The following ASIC2 variants were observed in gnomAD, a reference collection of about 807,000 sequenced individuals.
The protein encoded by ASIC2 is acid-sensing ion channel 2.
A neutral mutation model predicts 57.3 loss-of-function variants in ASIC2; 25 were observed. That is an observed-to-expected ratio of 0.44 (90% CI 0.32 to 0.61). The LOEUF (loss-of-function observed/expected upper bound fraction) is 0.61. Ranked by LOEUF, ASIC2 falls within the 20% of genes least tolerant of loss-of-function variation. The pLI, the probability that ASIC2 is intolerant of heterozygous loss-of-function variation, is 0.06. For missense variants in ASIC2, 641 were observed against 738.1 expected (o/e 0.87, Z 1.52); for synonymous variants, 319 against 307.5 (o/e 1.04, Z -0.39).
chr17:33,953,964 A>G (rs531737459), intron 1 of ASIC2, among the ~76,000 whole-genome samples: 5 of 152,176 alleles, frequency 3.3e-5, no homozygotes, highest in Non-Finnish European at 7.4e-5. Context: ...TTTGGGCCAC[A>G]GAGGGTGGGG....
chr17:33,303,951 T>A (rs1338079686), intron 1 of ASIC2, among the ~76,000 whole-genome samples: 2 of 152,206 alleles, frequency 1.3e-5, no homozygotes, highest in Non-Finnish European at 2.9e-5. Context: ...TTCATACCCT[T>A]TGACCTAGTG....
chr17:34,051,004 T>C (rs1000645656), intron 1 of ASIC2, among the ~76,000 whole-genome samples: 1 of 152,220 alleles, frequency 6.6e-6, no homozygotes, highest in Admixed American at 6.5e-5. Flanking sequence ...GAATCAAACC[T>C]GCTCTCTCTG....
At chr17:33,866,770 A>G (rs546083088) in intron 1 of ASIC2, among the ~76,000 whole-genome samples, 68 of 152,304 alleles carry the variant, frequency 4.5e-4, no homozygotes, top group Non-Finnish European at 6.6e-4. Context: ...CAGAGATGCC[A>G]TAGACCTACA....
At chr17:33,085,453 T>C (rs910768068) in intron 3 of ASIC2, among the ~76,000 whole-genome samples, 2 of 152,242 alleles carry the variant, frequency 1.3e-5, no homozygotes, top group African/African-American at 4.8e-5. Flanking sequence ...CAGGATCAAC[T>C]GGATAGATTT....
chr17:33,307,308 T>C (rs1393267587), intron 1 of ASIC2, among the ~76,000 whole-genome samples: 1 of 151,594 alleles, frequency 6.6e-6, no homozygotes, highest in Non-Finnish European at 1.5e-5. Context: ...CTTCTTCTTT[T>C]TCTTCTTCGT....
intron 1 of ASIC2, among the ~76,000 whole-genome samples, chr17:33,476,527 A>G (rs865851515): frequency 3.4e-5 from 3 of 89,248 alleles, no homozygotes; most frequent in East Asian, 3.1e-4. Context: ...ATATATATAT[A>G]TATATATATG....
chr17:33,248,869 A>G (rs926193420), intron 1 of ASIC2, among the ~76,000 whole-genome samples: 7 of 152,316 alleles, frequency 4.6e-5, no homozygotes, highest in South Asian at 4.1e-4. Flanking sequence ...TCATTCCTGC[A>G]AAGAGTCTTT....
At chr17:33,777,261 C>T (rs1392594628) in intron 1 of ASIC2, among the ~76,000 whole-genome samples, 2 of 150,828 alleles carry the variant, frequency 1.3e-5, no homozygotes, top group African/African-American at 4.9e-5. Context: ...CTGCCTGAAT[C>T]GTTAAATGAA....
At chr17:33,151,716 C>A (rs1400141733) in intron 1 of ASIC2, among the ~76,000 whole-genome samples, 1 of 152,218 alleles carries the variant, frequency 6.6e-6, no homozygotes, top group Non-Finnish European at 1.5e-5. Flanking sequence ...CTCATGTGTG[C>A]TCTCTTGCCT....
At chr17:33,539,369 G>A (rs1403721875) in intron 1 of ASIC2, among the ~76,000 whole-genome samples, 1 of 152,214 alleles carries the variant, frequency 6.6e-6, no homozygotes, top group Non-Finnish European at 1.5e-5. Context: ...CTACAATGGT[G>A]CTAGCACCTT....
intron 1 of ASIC2, among the ~76,000 whole-genome samples, chr17:33,897,126 G>T (rs1047453730): frequency 1.3e-5 from 2 of 152,178 alleles, no homozygotes; most frequent in South Asian, 4.1e-4. Flanking sequence ...CACCAAATGG[G>T]CTATATGTGT....
At chr17:33,511,265 A>T (rs1221239065) in intron 1 of ASIC2, among the ~76,000 whole-genome samples, 1 of 152,102 alleles carries the variant, frequency 6.6e-6, no homozygotes, top group Non-Finnish European at 1.5e-5. Context: ...GTGACTCTCC[A>T]ATAGAGGGTA....
rs562497389 is a variant in ASIC2 at position 33,531,929 on chromosome 17, A to C, written c.556-419862T>G. ...TTTTCCAGGTGAGGTCAAGGGCCACATGGAAAGGGAAAAGGTATTATAATG... is the reference window on the plus strand; with the variant it reads ...TTTTCCAGGTGAGGTCAAGGGCCACCTGGAAAGGGAAAAGGTATTATAATG... On this transcript the variant is annotated intron_variant, in intron 1 of 9. Coordinates refer to the ASIC2 transcript ENST00000359872. Among the ~76,000 whole-genome samples, 14 of 152,294 alleles carry C rather than the reference A, an allele frequency of 9.2e-5. No homozygotes were observed. The South Asian group carries it at 2.7e-3, about 29-fold the overall frequency.
intron 1 of ASIC2, among the ~76,000 whole-genome samples, chr17:33,425,577 C>A (rs1216219330): frequency 6.6e-6 from 1 of 152,012 alleles, no homozygotes; most frequent in Non-Finnish European, 1.5e-5. Context: ...CAGGAATGGG[C>A]AGACTTCATG....
intron 1 of ASIC2, among the ~76,000 whole-genome samples, chr17:33,894,164 G>T (rs1209438163): frequency 6.6e-6 from 1 of 152,186 alleles, no homozygotes; most frequent in East Asian, 1.9e-4. Flanking sequence ...CCCCTTAGGG[G>T]GTGGAGAAGA....
At chr17:33,164,196 G>A (rs1335343041) in intron 1 of ASIC2, among the ~76,000 whole-genome samples, 2 of 152,186 alleles carry the variant, frequency 1.3e-5, no homozygotes, top group African/African-American at 2.4e-5. Flanking sequence ...CCCCAAGGGT[G>A]CGTCTGGTCA....
intron 1 of ASIC2, among the ~76,000 whole-genome samples, chr17:34,009,446 G>A (rs1313645897): frequency 6.6e-6 from 1 of 152,120 alleles, no homozygotes; most frequent in Non-Finnish European, 1.5e-5. Context: ...CTCAAAAAAA[G>A]AATATAAAAT....
chr17:33,316,700 G>C (rs1906670905), intron 1 of ASIC2, among the ~76,000 whole-genome samples: 1 of 152,142 alleles, frequency 6.6e-6, no homozygotes, highest in Non-Finnish European at 1.5e-5. Context: ...AAAATTTTGA[G>C]GGCAAAGCTT....
intron 1 of ASIC2, among the ~76,000 whole-genome samples, chr17:34,100,023 T>C (rs1910802213): frequency 3.9e-5 from 6 of 152,106 alleles, no homozygotes; most frequent in Admixed American, 3.9e-4. Flanking sequence ...TCTACCTGCT[T>C]TGCAAGGTGA....
Sources: allele counts gnomAD v4.1 joint callset (sites outside exome capture counted in the v4.1 genomes callset), GRCh38; gene constraint gnomAD v4.1.1; transcripts MANE v1.5; gene names NCBI Gene and HGNC (gene_info 2026-07-23, HGNC 2026-07-21).